ZNF540: variants seen among roughly 807,000 people sequenced by gnomAD.
ZNF540 encodes the protein CTD-3064H18.6.
In ZNF540, 3 loss-of-function variants were observed where a neutral mutation model predicts 11.8. The observed-to-expected ratio is 0.25, with a 90% CI of 0.12 to 0.65. The LOEUF (loss-of-function observed/expected upper bound fraction) is 0.65. ZNF540 is among the 30% of genes least tolerant of loss of function. The pLI, the probability that ZNF540 is intolerant of heterozygous loss-of-function variation, is 0.83. For synonymous variants in ZNF540, 247 were observed against 259.0 expected (o/e 0.95, Z 0.45); for missense variants, 709 against 793.1 (o/e 0.89, Z 1.27).
intron 4 of ZNF540, among the ~76,000 whole-genome samples, chr19:37,609,163 C>T (rs535331552): frequency 6.4e-4 from 97 of 152,152 alleles, no homozygotes; most frequent in Non-Finnish European, 1.2e-3. Flanking sequence ...CTATACAAAT[C>T]ATTTAAATAC....
chr19:37,607,725 G>GT (rs959376041), intron 4 of ZNF540, among the ~76,000 whole-genome samples: 3 of 151,832 alleles, frequency 2.0e-5, no homozygotes, highest in African/African-American at 7.3e-5. Flanking sequence ...AGACATCTTG[G>GT]TTTTTTTTAA....
chr19:37,566,485 G>A, intron 1 of ZNF540: 1 of 597,146 alleles, frequency 1.7e-6, no homozygotes, highest in Non-Finnish European at 2.7e-6. Flanking sequence ...AGGAAAGAAG[G>A]TAATTAGAAA....
At chr19:37,560,306 A>G (rs1265859202) in intron 1 of ZNF540, 1 of 151,998 alleles carries the variant, frequency 6.6e-6, no homozygotes, top group East Asian at 1.9e-4. Flanking sequence ...ATATAAATAA[A>G]AATAAATTTT....
At chr19:37,590,430 AG>A (rs1302761774), upstream of ZNF540, among the ~76,000 whole-genome samples, 5 of 136,806 alleles carry the variant, frequency 3.7e-5, no homozygotes, top group Non-Finnish European at 5.2e-5. Flanking sequence ...AAAAAGAAGA[AG>A]AAAAAAAAAG....
At chr19:37,609,333 G>C (rs1046547866) in intron 4 of ZNF540, among the ~76,000 whole-genome samples, 4 of 152,068 alleles carry the variant, frequency 2.6e-5, no homozygotes, top group African/African-American at 9.7e-5. Flanking sequence ...CACAAGGTCA[G>C]GGGTTTGAGA....
chr19:37,590,773 AAAC>A (rs1186364463), upstream of ZNF540, among the ~76,000 whole-genome samples: 12 of 152,184 alleles, frequency 7.9e-5, no homozygotes, highest in African/African-American at 2.9e-4. Flanking sequence ...AAATTTTAAA[AAAC>A]CAATGCTATG....
chr19:37,556,183 C>G, intron 1 of ZNF540: 1 of 692,674 alleles, frequency 1.4e-6, no homozygotes. Context: ...ACACATAAAT[C>G]AACTGCAAAG....
At chr19:37,571,176 C>A (rs1600477274) in intron 1 of ZNF540, among the ~76,000 whole-genome samples, 1 of 152,130 alleles carries the variant, frequency 6.6e-6, no homozygotes, top group East Asian at 1.9e-4. Flanking sequence ...CATGACCACA[C>A]AACATCAAAA....
intron 1 of ZNF540, among the ~76,000 whole-genome samples, chr19:37,581,239 C>G (rs879130310): frequency 6.6e-6 from 1 of 152,088 alleles, no homozygotes; most frequent in African/African-American, 2.4e-5. Flanking sequence ...TTTCCTACCC[C>G]CAATTGCCAA....
chr19:37,577,074 T>C (rs1284838875), intron 1 of ZNF540, among the ~76,000 whole-genome samples: 2 of 152,146 alleles, frequency 1.3e-5, no homozygotes, highest in Admixed American at 6.5e-5. Context: ...ATGGGCTATA[T>C]TTTCTAATTA....
chr19:37,565,454 T>C (rs372752568), intron 1 of ZNF540: 1 of 1,613,222 alleles, frequency 6.2e-7, no homozygotes, highest in African/African-American at 1.3e-5. Flanking sequence ...AACTCTCTGA[T>C]GGTATGTAAG....
At chr19:37,584,029 A>G (rs776495289) in intron 1 of ZNF540, 1 of 1,614,096 alleles carries the variant, frequency 6.2e-7, no homozygotes, top group Non-Finnish European at 8.5e-7. Flanking sequence ...AGTCCCTCTG[A>G]GCAGGGTCCA....
At chr19:37,605,445 C>T (rs1271313830) in intron 4 of ZNF540, among the ~76,000 whole-genome samples, 2 of 152,000 alleles carry the variant, frequency 1.3e-5, no homozygotes, top group Non-Finnish European at 2.9e-5. Flanking sequence ...GTCAGGAGTT[C>T]GAGACCAGCC....
intron 1 of ZNF540, 150 bp from the exon 2 acceptor site, chr19:37,598,226 T>G (rs2044011202): frequency 1.8e-6 from 1 of 562,072 alleles, no homozygotes; most frequent in Non-Finnish European, 3.2e-6. Context: ...GTTCCCTTGC[T>G]GTGGTGAGTG....
intron 1 of ZNF540, chr19:37,563,891 A>T (rs2042761480): frequency 6.6e-6 from 1 of 152,024 alleles, no homozygotes; most frequent in South Asian, 2.1e-4. Flanking sequence ...TTTTGTTAAG[A>T]AATTCTTTTT....
intron 1 of ZNF540, among the ~76,000 whole-genome samples, chr19:37,558,860 A>G (rs1194319388): frequency 1.3e-5 from 2 of 151,996 alleles, no homozygotes; most frequent in African/African-American, 4.8e-5. Flanking sequence ...AGAGAGAGAC[A>G]GAGAGAGAGT....
At chr19:37,561,158 T>C (rs1332742213) in intron 1 of ZNF540, among the ~76,000 whole-genome samples, 1 of 151,806 alleles carries the variant, frequency 6.6e-6, no homozygotes, top group Non-Finnish European at 1.5e-5. Flanking sequence ...GGAGGATCAC[T>C]TGAGCCCAGG....
At chr19:37,604,296 C>CCTTTTTTT (rs2044064348) in intron 4 of ZNF540, among the ~76,000 whole-genome samples, 1 of 75,270 alleles carries the variant, frequency 1.3e-5, no homozygotes, top group South Asian at 4.2e-4. Flanking sequence ...AATAGCCTTA[C>CCTTTTTTT]TTTTTTTTTT....
At position 37,613,249 on chromosome 19, in the gene ZNF540, CATA is replaced by C; in HGVS notation, c.1972_1974del (p.Asn658del). 6.7e-7 allele frequency: 1 copy of C among 1,496,514 alleles called. No homozygotes were observed. Among genetic ancestry groups the C allele is most frequent in the Non-Finnish European group, 8.9e-7 (1 of 1,122,012 alleles). The allele number at this position is 1,496,514 out of a possible 1,614,324, so 92.7% of individuals were successfully genotyped here. A position where few individuals can be genotyped will look rare whatever the true frequency, so the allele number is the denominator to read the frequency against. Reference sequence around the variant, plus strand: ...ACATCTTTATCAACATCAGAAAACTCATAATGTAATTTAATATAAGAAAAGGTT... The same window carrying C: ...ACATCTTTATCAACATCAGAAAACTCATGTAATTTAATATAAGAAAAGGTT... On this transcript the variant is annotated inframe_deletion, in exon 5 of 5. Transcript: ENST00000316433.
Sources: allele counts gnomAD v4.1 joint callset (sites outside exome capture counted in the v4.1 genomes callset), GRCh38; gene constraint gnomAD v4.1.1; transcripts MANE v1.5; gene names NCBI Gene and HGNC (gene_info 2026-07-23, HGNC 2026-07-21).